The following GOLGA8B variants were observed in gnomAD, a reference collection of about 807,000 sequenced individuals.
GOLGA8B encodes golgin A8 family member B.
GOLGA8B carries 1 observed loss-of-function variant against 15.6 expected under a neutral mutation model. That is an observed-to-expected ratio of 0.06 (90% confidence interval 0.02 to 0.30). The LOEUF (loss-of-function observed/expected upper bound fraction) is 0.30, where lower values mean the gene tolerates loss of function less well. Among genes scored for constraint, GOLGA8B ranks in the 10% least tolerant of loss-of-function variants. GOLGA8B has a pLI of 1.00. For missense variants in GOLGA8B, 17 were observed against 201.3 expected, an observed-to-expected ratio of 0.08 and a Z score of 5.54; for synonymous variants, 9 against 80.3, an observed-to-expected ratio of 0.11 and a Z score of 4.75.
At chr15:34,575,099 A>C in intron 1 of GOLGA8B, among the ~76,000 whole-genome samples, 1 of 114,084 alleles carries the variant, frequency 8.8e-6, no homozygotes, top group African/African-American at 3.2e-5. Flanking sequence ...AATCCTATAA[A>C]TCCTTGTAAA....
chr15:34,525,402 A>G lies in GOLGA8B; in HGVS notation c.*2230T>C, dbSNP rs1227485433. 2.0e-5 allele frequency: 3 copies of G among 150,038 alleles called. No homozygotes were observed. Among genetic ancestry groups the G allele is most frequent in the East Asian group, 1.9e-4 (1 of 5,134 alleles). 9.3% of individuals were successfully genotyped at this position (150,038 alleles called of 1,614,324 possible). A position where few individuals can be genotyped will look rare whatever the true frequency, so the allele number is the denominator to read the frequency against. ...ACATTCTGTTAACAAGAACCCATACATTGGTAAAATTCATTCTAAGAAAAC... is the reference window on the plus strand; with the variant it reads ...ACATTCTGTTAACAAGAACCCATACGTTGGTAAAATTCATTCTAAGAAAAC... On this transcript the variant is annotated 3_prime_UTR_variant, in exon 24 of 24. Coordinates refer to ENST00000683415, the MANE Select transcript of GOLGA8B (RefSeq NM_001023567.5).
chr15:34,580,877 C>A (rs1485682859), intron 1 of GOLGA8B, among the ~76,000 whole-genome samples: 2 of 152,216 alleles, frequency 1.3e-5, no homozygotes, highest in East Asian at 3.9e-4. Context: ...CTACCTTACA[C>A]CCTACCTGTG....
rs371142154 is a variant in GOLGA8B at position 34,564,705 on chromosome 15, C to T, written c.-1122-10749G>A. On this transcript the variant is annotated intron_variant, in intron 1 of 23. Coordinates refer to ENST00000683415, the MANE Select transcript of GOLGA8B (RefSeq NM_001023567.5). ...TTTTTTCTGCAGGTACTTTTGCAAG[C>T]GTGTAGGGAGAGATGAGAAGTTCCA... Among the ~76,000 whole-genome samples, 20 of 143,162 alleles carry T rather than the reference C, an allele frequency of 1.4e-4. 1 individual carries two copies. The highest frequency in any genetic ancestry group is 7.8e-4 in the East Asian group (4 of 5,126). The allele number at this position is 143,162 out of a possible 152,430, so 93.9% of individuals were successfully genotyped here. A position where few individuals can be genotyped will look rare whatever the true frequency, so the allele number is the denominator to read the frequency against.
At chr15:34,576,543 T>C (rs1334191078) in intron 1 of GOLGA8B, among the ~76,000 whole-genome samples, 2 of 152,042 alleles carry the variant, frequency 1.3e-5, no homozygotes, top group Non-Finnish European at 1.5e-5. Flanking sequence ...ACCTGAACCT[T>C]AGGACTCAAA....
chr15:34,572,145 T>C (rs1433358979), intron 1 of GOLGA8B, among the ~76,000 whole-genome samples: 2 of 152,226 alleles, frequency 1.3e-5, no homozygotes, highest in Non-Finnish European at 2.9e-5. Context: ...ACACAAAGAC[T>C]GATCATGTCC....
chr15:34,582,844 C>T (rs1889278900), intron 1 of GOLGA8B: 1 of 152,234 alleles, frequency 6.6e-6, no homozygotes, highest in South Asian at 2.1e-4. Context: ...CTCCAGCAGC[C>T]TTGCCAGGCA....
At chr15:34,575,237 T>C (rs1384268770) in intron 1 of GOLGA8B, among the ~76,000 whole-genome samples, 2 of 151,802 alleles carry the variant, frequency 1.3e-5, no homozygotes, top group South Asian at 2.1e-4. Flanking sequence ...TGGCGGTGCC[T>C]CGGCCAGACA....
At chr15:34,556,741 A>AC (rs1888496979) in intron 1 of GOLGA8B, 1 of 1,218,914 alleles carries the variant, frequency 8.2e-7, no homozygotes, top group Admixed American at 2.1e-5. Flanking sequence ...GAGGCCAAGC[A>AC]CCCCGGAGAC....
At chr15:34,545,300 C>T (rs1443394210) in intron 6 of GOLGA8B, 78 bp downstream of exon 6, 1 of 118,872 alleles carries the variant, frequency 8.4e-6, no homozygotes, top group Admixed American at 9.6e-5. Context: ...TGAAGAGAAC[C>T]TTCTACTTAC....
intron 4 of GOLGA8B, among the ~76,000 whole-genome samples, chr15:34,549,291 G>A (rs1265508512): frequency 1.4e-5 from 1 of 71,808 alleles, no homozygotes; most frequent in Non-Finnish European, 2.9e-5. Flanking sequence ...AGTCTGGTTC[G>A]TTTCCTATTT....
intron 1 of GOLGA8B, among the ~76,000 whole-genome samples, chr15:34,580,268 A>C: frequency 6.6e-6 from 1 of 152,140 alleles, no homozygotes; most frequent in Non-Finnish European, 1.5e-5. Flanking sequence ...GAGCCAGGAG[A>C]GCCTGGAGGG....
At chr15:34,573,668 T>C (rs1185027946) in intron 1 of GOLGA8B, among the ~76,000 whole-genome samples, 1 of 152,106 alleles carries the variant, frequency 6.6e-6, no homozygotes, top group African/African-American at 2.4e-5. Flanking sequence ...TTGATGTAGA[T>C]GGTTCCATTT....
At chr15:34,532,467 A>G (rs1392302739) in intron 11 of GOLGA8B, among the ~76,000 whole-genome samples, 2 of 111,990 alleles carry the variant, frequency 1.8e-5, no homozygotes, top group Non-Finnish European at 4.4e-5. Context: ...GATACTCACT[A>G]CCTCCTCTGG....
intron 1 of GOLGA8B, among the ~76,000 whole-genome samples, chr15:34,554,369 CCACA>C (rs1888434775): frequency 6.6e-6 from 1 of 152,166 alleles, no homozygotes; most frequent in South Asian, 2.1e-4. Flanking sequence ...CGTACATGCA[CCACA>C]CACATACCAT....
chr15:34,580,727 T>C (rs1379690758), intron 1 of GOLGA8B, among the ~76,000 whole-genome samples: 2 of 151,824 alleles, frequency 1.3e-5, no homozygotes, highest in African/African-American at 4.8e-5. Context: ...CGGAGAAGCC[T>C]CTCTGTGGGC....
At chr15:34,560,996 G>A (rs1595705435) in intron 1 of GOLGA8B, among the ~76,000 whole-genome samples, 2 of 145,638 alleles carry the variant, frequency 1.4e-5, no homozygotes, top group South Asian at 4.6e-4. Context: ...AGCTCTGGGG[G>A]CTGTAAGCGG....
chr15:34,574,593 C>T (rs1442890489), intron 1 of GOLGA8B, among the ~76,000 whole-genome samples: 1 of 152,136 alleles, frequency 6.6e-6, no homozygotes, highest in Non-Finnish European at 1.5e-5. Flanking sequence ...CATGAACCAC[C>T]GTGCCCAGCC....
At chr15:34,554,412 C>T (rs1182017437) in intron 1 of GOLGA8B, among the ~76,000 whole-genome samples, 2 of 148,752 alleles carry the variant, frequency 1.3e-5, no homozygotes, top group Admixed American at 1.3e-4. Flanking sequence ...ACACACATAC[C>T]CCATACACAC....
intron 1 of GOLGA8B, among the ~76,000 whole-genome samples, chr15:34,580,671 G>A (rs1409098719): frequency 8.6e-5 from 13 of 152,040 alleles, no homozygotes; most frequent in Non-Finnish European, 1.8e-4. Flanking sequence ...CAACCCAGGC[G>A]GTGGGCAGCA....
Sources: gnomAD v4.1 joint callset for allele counts (sites outside exome capture counted in the v4.1 genomes callset) on GRCh38, gnomAD v4.1.1 for gene constraint, MANE v1.5 for transcripts, NCBI Gene and HGNC (gene_info 2026-07-23, HGNC 2026-07-21) for gene names.